Variants in GPR158 observed in about 807,000 individuals in gnomAD.
The protein encoded by GPR158 is G protein-coupled receptor 158.
In GPR158, 30 loss-of-function variants were observed where a neutral mutation model predicts 78.2. The observed-to-expected ratio is 0.38, with a 90% confidence interval of 0.29 to 0.52. The LOEUF is 0.52. GPR158 is among the 20% of genes least tolerant of loss of function. GPR158 has a pLI of 0.83. For missense variants in GPR158, 1,463 were observed against 1,523.5 expected (o/e 0.96, Z 0.66); for synonymous variants, 581 against 591.1 (o/e 0.98, Z 0.25).
intron 2 of GPR158, among the ~76,000 whole-genome samples, chr10:25,238,098 C>T (rs192307988): frequency 1.5e-4 from 23 of 151,654 alleles, no homozygotes; most frequent in African/African-American, 5.1e-4. Context: ...TTTTAGTAAT[C>T]GCTACTTCGC....
intron 1 of GPR158, among the ~76,000 whole-genome samples, chr10:25,218,858 AT>A (rs56872059): frequency 0.19 from 28,486 of 147,514 alleles, 4,080 homozygotes; most frequent in African/African-American, 0.4. Flanking sequence ...CATGGAACTT[AT>A]TTTTTTTTTT....
At chr10:25,517,036 T>G (rs1836185933) in intron 5 of GPR158, among the ~76,000 whole-genome samples, 1 of 150,372 alleles carries the variant, frequency 6.7e-6, no homozygotes, top group African/African-American at 2.5e-5. Context: ...TTGTATCCTC[T>G]TTTGTTTCAT....
At chr10:25,370,861 G>T (rs1462883713) in intron 2 of GPR158, among the ~76,000 whole-genome samples, 1 of 151,900 alleles carries the variant, frequency 6.6e-6, no homozygotes, top group East Asian at 1.9e-4. Context: ...CCTGTATTGG[G>T]TACATATATA....
At chr10:25,203,357 G>A (rs1319946753) in intron 1 of GPR158, among the ~76,000 whole-genome samples, 1 of 152,136 alleles carries the variant, frequency 6.6e-6, no homozygotes, top group African/African-American at 2.4e-5. Context: ...GCATTGCCTA[G>A]GTTTTCTTCA....
intron 1 of GPR158, among the ~76,000 whole-genome samples, chr10:25,196,514 T>C (rs1163125806): frequency 6.6e-6 from 1 of 152,180 alleles, no homozygotes; most frequent in African/African-American, 2.4e-5. Flanking sequence ...CCTTAGTTGG[T>C]CATTATTTTT....
intron 2 of GPR158, among the ~76,000 whole-genome samples, chr10:25,357,489 A>G (rs1300181457): frequency 6.6e-6 from 1 of 152,118 alleles, no homozygotes; most frequent in Non-Finnish European, 1.5e-5. Flanking sequence ...AATGCTTTGT[A>G]CAGTCTAGGG....
At chr10:25,463,569 G>C (rs1279631967) in intron 4 of GPR158, among the ~76,000 whole-genome samples, 2 of 152,052 alleles carry the variant, frequency 1.3e-5, no homozygotes, top group Non-Finnish European at 2.9e-5. Context: ...TTTTTTATAA[G>C]TTTCCCAGTT....
At chr10:25,543,184 A>T (rs1219651078) in intron 5 of GPR158, among the ~76,000 whole-genome samples, 1 of 151,970 alleles carries the variant, frequency 6.6e-6, no homozygotes, top group Non-Finnish European at 1.5e-5. Context: ...GCAGTGGCGC[A>T]ATCTCTGCTC....
At chr10:25,366,579 A>C (rs1269244829) in intron 2 of GPR158, among the ~76,000 whole-genome samples, 2 of 151,732 alleles carry the variant, frequency 1.3e-5, no homozygotes, top group African/African-American at 4.8e-5. Flanking sequence ...AGAACATATA[A>C]AATCTACTCT....
intron 2 of GPR158, among the ~76,000 whole-genome samples, chr10:25,338,729 ATTGT>A (rs1855262645): frequency 6.6e-6 from 1 of 150,394 alleles, no homozygotes; most frequent in South Asian, 2.1e-4. Context: ...TTTCTTCAAA[ATTGT>A]TTGTATTATT....
chr10:25,279,582 C>G (rs1336544610), intron 2 of GPR158, among the ~76,000 whole-genome samples: 1 of 152,058 alleles, frequency 6.6e-6, no homozygotes, highest in Non-Finnish European at 1.5e-5. Context: ...TTAAGACATG[C>G]ATTACATTAT....
chr10:25,292,403 A>T (rs556574344), intron 2 of GPR158, among the ~76,000 whole-genome samples: 1 of 152,226 alleles, frequency 6.6e-6, no homozygotes, highest in Non-Finnish European at 1.5e-5. Flanking sequence ...TTTCAGGGTT[A>T]CTTTGAATGG....
chr10:25,251,867 C>G (rs1853805984), intron 2 of GPR158, among the ~76,000 whole-genome samples: 1 of 151,718 alleles, frequency 6.6e-6, no homozygotes, highest in Non-Finnish European at 1.5e-5. Flanking sequence ...GCCTGCCTTG[C>G]TAGATTGGGG....
intron 5 of GPR158, among the ~76,000 whole-genome samples, chr10:25,504,078 A>G (rs191871378): frequency 2.6e-4 from 39 of 151,962 alleles, no homozygotes; most frequent in African/African-American, 8.9e-4. Context: ...ATTAATAGAC[A>G]TAGGGTTTCG....
intron 3 of GPR158, among the ~76,000 whole-genome samples, chr10:25,400,301 A>T (rs824597): frequency 0.54 from 81,598 of 152,000 alleles, 25,594 homozygotes; most frequent in Non-Finnish European, 0.73. Flanking sequence ...AAATTCCTAA[A>T]TCTCTTGTAG....
At chr10:25,207,286 T>C (rs1853055314) in intron 1 of GPR158, among the ~76,000 whole-genome samples, 1 of 152,196 alleles carries the variant, frequency 6.6e-6, no homozygotes, top group Admixed American at 6.5e-5. Flanking sequence ...GTGCCTTTGC[T>C]ATGACTCATT....
chr10:25,270,809 G>A (rs919396865), intron 2 of GPR158, among the ~76,000 whole-genome samples: 2 of 152,008 alleles, frequency 1.3e-5, no homozygotes, highest in Non-Finnish European at 2.9e-5. Flanking sequence ...TTGAAAACTC[G>A]GTCTTTCTAA....
intron 2 of GPR158, among the ~76,000 whole-genome samples, chr10:25,279,310 C>T (rs1345401494): frequency 6.6e-6 from 1 of 152,106 alleles, no homozygotes; most frequent in African/African-American, 2.4e-5. Context: ...GTGATATTAT[C>T]TCCATTTTTC....
chr10:25,457,734 G>A (rs1835310029), intron 4 of GPR158, among the ~76,000 whole-genome samples: 1 of 152,126 alleles, frequency 6.6e-6, no homozygotes, highest in African/African-American at 2.4e-5. Context: ...TGAGCATGAG[G>A]GATAAGCTAA....
Sources: gnomAD v4.1 joint callset for allele counts (sites outside exome capture counted in the v4.1 genomes callset) on GRCh38, gnomAD v4.1.1 for gene constraint, MANE v1.5 for transcripts, NCBI Gene and HGNC (gene_info 2026-07-23, HGNC 2026-07-21) for gene names.